The following NRXN1 variants were observed in gnomAD, a reference collection of about 807,000 sequenced individuals.
The protein encoded by NRXN1 is neurexin-1.
NRXN1 carries 39 observed loss-of-function variants against 150.9 expected under a neutral mutation model. The observed-to-expected ratio is 0.26, with a 90% confidence interval of 0.20 to 0.34. NRXN1 has a LOEUF of 0.34. NRXN1 is among the 10% of genes least tolerant of loss of function. The pLI is 1.00. For missense variants in NRXN1, 1,815 were observed against 1,949.9 expected, an observed-to-expected ratio of 0.93 and a Z score of 1.30; for synonymous variants, 924 against 757.0, an observed-to-expected ratio of 1.22 and a Z score of -3.62.
intron 21 of NRXN1, among the ~76,000 whole-genome samples, chr2:50,043,602 G>A (rs1162087720): frequency 1.3e-5 from 2 of 152,164 alleles, no homozygotes; most frequent in African/African-American, 4.8e-5. Context: ...TTTTCTAGCT[G>A]TGGACTCACT....
At chr2:49,968,838 T>C (rs1193420788) in intron 21 of NRXN1, among the ~76,000 whole-genome samples, 1 of 152,068 alleles carries the variant, frequency 6.6e-6, no homozygotes, top group East Asian at 1.9e-4. Context: ...TCAGTGCTCC[T>C]CTAGTTTTAT....
intron 17 of NRXN1, among the ~76,000 whole-genome samples, chr2:50,327,902 G>C (rs1448513862): frequency 1.3e-5 from 2 of 152,078 alleles, no homozygotes; most frequent in African/African-American, 4.8e-5. Flanking sequence ...TCCCGCCTTG[G>C]CCTCCCAAAA....
At chr2:50,801,873 T>A (rs997877327) in intron 5 of NRXN1, among the ~76,000 whole-genome samples, 1 of 152,192 alleles carries the variant, frequency 6.6e-6, no homozygotes, top group African/African-American at 2.4e-5. Context: ...TAAATCGAAA[T>A]CAAACTATAA....
Position 50,266,002 on chromosome 2 carries a change from A to AT in NRXN1, c.3365-29033dup, listed in dbSNP as rs747310591. On this transcript the variant is annotated intron_variant, in intron 17 of 22. Coordinates refer to ENST00000401669, the MANE Select transcript of NRXN1 (RefSeq NM_001330078.2). ...ATTATTATTATTATTATTATTATTT[A>AT]TTTTTTTTTTTTTTGAGATAGAGTC... Among the ~76,000 whole-genome samples the AT allele has an allele frequency of 4.5e-3, 382 of 84,666 alleles. 1 individual carries two copies. The highest frequency in any genetic ancestry group is 0.011 in the African/African-American group (265 of 24,472). The allele number at this position is 84,666 out of a possible 152,430, so 55.5% of individuals were successfully genotyped here. A position where few individuals can be genotyped will look rare whatever the true frequency, so the allele number is the denominator to read the frequency against.
At chr2:50,414,678 T>A (rs2083416200) in intron 17 of NRXN1, among the ~76,000 whole-genome samples, 1 of 152,154 alleles carries the variant, frequency 6.6e-6, no homozygotes, top group East Asian at 1.9e-4. Flanking sequence ...CGGAAAATTA[T>A]TAAATGATAA....
At chr2:50,718,293 A>T (rs1696133600) in intron 5 of NRXN1, among the ~76,000 whole-genome samples, 1 of 152,142 alleles carries the variant, frequency 6.6e-6, no homozygotes, top group African/African-American at 2.4e-5. Flanking sequence ...GTATGGGAGC[A>T]CAAAAAAAAT....
intron 22 of NRXN1, among the ~76,000 whole-genome samples, chr2:49,942,614 T>TATTATTATTATTATTATTATTATTA (rs112672714): frequency 6.7e-6 from 1 of 148,926 alleles, no homozygotes. Flanking sequence ...TTATTATTAT[T>TATTATTATTATTATTATTATTATTA]TTATTATTAT....
chr2:50,676,606 C>G (rs369282085), intron 5 of NRXN1, among the ~76,000 whole-genome samples: 1 of 152,280 alleles, frequency 6.6e-6, no homozygotes, highest in East Asian at 1.9e-4. Flanking sequence ...CAAACTGCTT[C>G]AGGCAGCACC....
chr2:50,560,127 C>T (rs1209767927), intron 8 of NRXN1, among the ~76,000 whole-genome samples: 1 of 152,176 alleles, frequency 6.6e-6, no homozygotes, highest in Non-Finnish European at 1.5e-5. Flanking sequence ...ATCTCCCACC[C>T]AAAATCAAGT....
chr2:50,719,763 C>A (rs1696390160), intron 5 of NRXN1, among the ~76,000 whole-genome samples: 1 of 152,146 alleles, frequency 6.6e-6, no homozygotes, highest in African/African-American at 2.4e-5. Flanking sequence ...ATAAAAGTAT[C>A]TGAGAAATTG....
At chr2:50,052,771 C>T (rs1487333951) in intron 21 of NRXN1, among the ~76,000 whole-genome samples, 2 of 149,104 alleles carry the variant, frequency 1.3e-5, no homozygotes, top group South Asian at 2.2e-4. Flanking sequence ...AAGAGTATAC[C>T]CATCATTCAC....
intron 5 of NRXN1, among the ~76,000 whole-genome samples, chr2:50,790,805 G>T (rs1288333414): frequency 6.6e-6 from 1 of 152,040 alleles, no homozygotes; most frequent in Non-Finnish European, 1.5e-5. Flanking sequence ...GACTGGGAGG[G>T]TTTTCTTCCC....
intron 17 of NRXN1, among the ~76,000 whole-genome samples, chr2:50,450,900 A>C (rs1340646486): frequency 1.3e-5 from 2 of 152,214 alleles, no homozygotes; most frequent in Non-Finnish European, 2.9e-5. Context: ...TTCACTAGCA[A>C]ATATCTTTTT....
intron 5 of NRXN1, among the ~76,000 whole-genome samples, chr2:50,887,539 T>G (rs1278875996): frequency 6.6e-6 from 1 of 151,488 alleles, no homozygotes; most frequent in Non-Finnish European, 1.5e-5. Context: ...ATCATTTTAA[T>G]GGCTCACTAA....
chr2:50,976,020 TC>T (rs1695764425), intron 2 of NRXN1, among the ~76,000 whole-genome samples: 1 of 152,020 alleles, frequency 6.6e-6, no homozygotes, highest in Non-Finnish European at 1.5e-5. Flanking sequence ...TGTCCCAGTG[TC>T]CCCTTGACTA....
chr2:50,747,746 T>A (rs1302217208), intron 5 of NRXN1, among the ~76,000 whole-genome samples: 4 of 152,120 alleles, frequency 2.6e-5, no homozygotes, highest in African/African-American at 7.2e-5. Flanking sequence ...TCCATCTATG[T>A]GCTAATCTTC....
At chr2:50,293,854 T>A (rs1297068999) in intron 17 of NRXN1, among the ~76,000 whole-genome samples, 4 of 152,196 alleles carry the variant, frequency 2.6e-5, no homozygotes, top group African/African-American at 9.6e-5. Flanking sequence ...TTAGGATGCC[T>A]GGCTGTGTGA....
intron 10 of NRXN1, among the ~76,000 whole-genome samples, chr2:50,535,347 G>C (rs1437342134): frequency 6.6e-6 from 1 of 152,192 alleles, no homozygotes; most frequent in Non-Finnish European, 1.5e-5. Flanking sequence ...TTGTCATTAA[G>C]TTTGATAAAT....
intron 22 of NRXN1, among the ~76,000 whole-genome samples, chr2:49,938,133 A>G (rs1216035796): frequency 2.6e-5 from 4 of 152,184 alleles, no homozygotes; most frequent in Non-Finnish European, 4.4e-5. Context: ...TATATTTGTG[A>G]GGTGCCTGAA....
Sources: gnomAD v4.1 joint callset for allele counts (sites outside exome capture counted in the v4.1 genomes callset) on GRCh38, gnomAD v4.1.1 for gene constraint, MANE v1.5 for transcripts, NCBI Gene and HGNC (gene_info 2026-07-23, HGNC 2026-07-21) for gene names.